The following OTUD7A variants were observed in gnomAD, a reference collection of about 807,000 sequenced individuals.
The protein encoded by OTUD7A is OTU domain-containing protein 7A.
OTUD7A carries 12 observed loss-of-function variants against 65.7 expected under a neutral mutation model. The ratio of observed to expected loss-of-function variants is 0.18; its 90% confidence interval spans 0.12 to 0.30. The LOEUF is 0.30. Ranked by LOEUF, OTUD7A falls within the 10% of genes least tolerant of loss-of-function variation. OTUD7A has a pLI of 1.00. For missense variants in OTUD7A, 1,148 were observed against 1,304.8 expected (o/e 0.88, Z 1.85); for synonymous variants, 641 against 586.3 (o/e 1.09, Z -1.35).
At chr15:31,751,960 C>A (rs1894649142) in intron 1 of OTUD7A, among the ~76,000 whole-genome samples, 1 of 152,142 alleles carries the variant, frequency 6.6e-6, no homozygotes, top group South Asian at 2.1e-4. Context: ...TCACTATGTA[C>A]ATGATGGGAT....
At chr15:31,842,312 C>T (rs1287364401) in intron 1 of OTUD7A, among the ~76,000 whole-genome samples, 1 of 152,174 alleles carries the variant, frequency 6.6e-6, no homozygotes, top group Non-Finnish European at 1.5e-5. Context: ...TACTTGGCTG[C>T]ATTTATTAAG....
chr15:31,664,443 T>C (rs1179619664), intron 1 of OTUD7A, among the ~76,000 whole-genome samples: 2 of 152,224 alleles, frequency 1.3e-5, no homozygotes, highest in Non-Finnish European at 2.9e-5. Context: ...TTTTCATGTT[T>C]GTTGGCCATT....
intron 3 of OTUD7A, among the ~76,000 whole-genome samples, chr15:31,628,770 G>A (rs1891046164): frequency 6.6e-6 from 1 of 152,062 alleles, no homozygotes; most frequent in Admixed American, 6.6e-5. Context: ...TAATTTCATT[G>A]AGCAGTGGTT....
At chr15:31,767,666 C>CTTAG (rs1023318236) in intron 1 of OTUD7A, 2 of 749,560 alleles carry the variant, frequency 2.7e-6, no homozygotes, top group African/African-American at 3.4e-5. Context: ...GTCTTCCTGG[C>CTTAG]TTAGTTCTCT....
chr15:31,852,846 A>G (rs1307341826), intron 1 of OTUD7A, among the ~76,000 whole-genome samples: 3 of 152,276 alleles, frequency 2.0e-5, no homozygotes, highest in Non-Finnish European at 4.4e-5. Context: ...TAATTAAATT[A>G]CTAAAGCAGT....
At chr15:31,500,041 C>T (rs1323200760) in intron 10 of OTUD7A, among the ~76,000 whole-genome samples, 1 of 152,204 alleles carries the variant, frequency 6.6e-6, no homozygotes, top group Non-Finnish European at 1.5e-5. Context: ...GGTATCTGAA[C>T]CCCATGCTCG....
At chr15:31,685,509 A>C (rs1374712030) in intron 1 of OTUD7A, among the ~76,000 whole-genome samples, 1 of 152,076 alleles carries the variant, frequency 6.6e-6, no homozygotes, top group Non-Finnish European at 1.5e-5. Context: ...AAACAAAAAA[A>C]TTAGCCGGGC....
At chr15:31,731,403 G>A (rs1894038791) in intron 1 of OTUD7A, among the ~76,000 whole-genome samples, 1 of 152,148 alleles carries the variant, frequency 6.6e-6, no homozygotes, top group South Asian at 2.1e-4. Context: ...AAAGAAATGG[G>A]GTATAAGGCC....
intron 3 of OTUD7A, among the ~76,000 whole-genome samples, chr15:31,643,669 C>T (rs1379695390): frequency 6.6e-5 from 10 of 152,224 alleles, no homozygotes; most frequent in Admixed American, 6.5e-4. Context: ...TGCTACTTTG[C>T]ATTCCTGATA....
intron 3 of OTUD7A, among the ~76,000 whole-genome samples, chr15:31,577,265 C>T (rs1232163118): frequency 6.6e-6 from 1 of 152,170 alleles, no homozygotes; most frequent in Non-Finnish European, 1.5e-5. Flanking sequence ...AGGTCTGAAA[C>T]ATTTGCGATG....
At chr15:31,554,655 GCCTCTGCCCTCTGCCCCCA>G (rs1888433024) in intron 5 of OTUD7A, among the ~76,000 whole-genome samples, 1 of 152,118 alleles carries the variant, frequency 6.6e-6, no homozygotes, top group African/African-American at 2.4e-5. Flanking sequence ...ACACAAAAAT[GCCTCTGCCCTCTGCCCCCA>G]GACACACTGA....
At chr15:31,594,678 CTCTATG>C (rs1181309352) in intron 3 of OTUD7A, among the ~76,000 whole-genome samples, 3 of 152,360 alleles carry the variant, frequency 2.0e-5, no homozygotes, top group Admixed American at 1.3e-4. Flanking sequence ...CCTGCTGGAT[CTCTATG>C]TCTACAAAAT....
chr15:31,663,612 T>A (rs1255271393), intron 1 of OTUD7A, among the ~76,000 whole-genome samples: 1 of 152,148 alleles, frequency 6.6e-6, no homozygotes, highest in East Asian at 1.9e-4. Context: ...AAGGACATGA[T>A]CTGTTTCCTT....
At chr15:31,551,999 G>A (rs4531697) in intron 5 of OTUD7A, among the ~76,000 whole-genome samples, 1 of 152,222 alleles carries the variant, frequency 6.6e-6, no homozygotes. Context: ...GGCCTGGTGG[G>A]AGGTGTTTGG....
chr15:31,726,811 A>C (rs1310059465), intron 1 of OTUD7A, among the ~76,000 whole-genome samples: 2 of 152,186 alleles, frequency 1.3e-5, no homozygotes, highest in African/African-American at 4.8e-5. Context: ...TCTTTTTGTC[A>C]ACAGTGTTCA....
chr15:31,748,069 G>C (rs1251313475), intron 1 of OTUD7A, among the ~76,000 whole-genome samples: 1 of 152,112 alleles, frequency 6.6e-6, no homozygotes, highest in East Asian at 1.9e-4. Context: ...TGCAACCTAA[G>C]ATCCTGGATT....
At chr15:31,655,816 C>A (rs1891974796) in intron 2 of OTUD7A, among the ~76,000 whole-genome samples, 1 of 152,198 alleles carries the variant, frequency 6.6e-6, no homozygotes, top group Admixed American at 6.5e-5. Flanking sequence ...AAATTTCAAA[C>A]ACCTAAGTAT....
At chr15:31,505,278 T>C (rs2041542462) in intron 8 of OTUD7A, among the ~76,000 whole-genome samples, 1 of 152,200 alleles carries the variant, frequency 6.6e-6, no homozygotes, top group African/African-American at 2.4e-5. Flanking sequence ...TTGAGAAAGG[T>C]AAAAATACTT....
intron 3 of OTUD7A, among the ~76,000 whole-genome samples, chr15:31,571,079 A>T (rs1197222569): frequency 6.6e-6 from 1 of 152,184 alleles, no homozygotes; most frequent in Non-Finnish European, 1.5e-5. Flanking sequence ...GAGGTGATGG[A>T]TATCCCAATT....
Sources: allele counts gnomAD v4.1 joint callset (sites outside exome capture counted in the v4.1 genomes callset), GRCh38; gene constraint gnomAD v4.1.1; transcripts MANE v1.5; gene names NCBI Gene and HGNC (gene_info 2026-07-23, HGNC 2026-07-21).